KLRG1: variants seen among roughly 807,000 people sequenced by gnomAD.
KLRG1 encodes killer cell lectin like receptor G1, also known as killer cell lectin-like receptor subfamily G member 1.
A neutral mutation model predicts 21.8 loss-of-function variants in KLRG1; 16 were observed. The observed-to-expected ratio is 0.73, with a 90% CI of 0.50 to 1.11. The LOEUF is 1.11. KLRG1 is among the 50% of genes most tolerant of loss of function. The pLI, the probability that KLRG1 is intolerant of heterozygous loss-of-function variation, is 0.00. For missense variants in KLRG1, 173 were observed against 218.3 expected, an observed-to-expected ratio of 0.79 and a Z score of 1.31; for synonymous variants, 69 against 75.9, an observed-to-expected ratio of 0.91 and a Z score of 0.47.
At chr12:9,120,495 A>G in the KLRG1 span, among the ~76,000 whole-genome samples, 1 of 152,240 alleles carries the variant, frequency 6.6e-6, no homozygotes, top group African/African-American at 2.4e-5. Context: ...CCTTAACAAA[A>G]ATAAATAGAA....
chr12:9,169,622 T>G, the KLRG1 span: 1 of 1,533,490 alleles, frequency 6.5e-7, no homozygotes, highest in African/African-American at 1.4e-5. Flanking sequence ...AAGGCAGAAC[T>G]GTTACTTACT....
At chr12:9,011,518 A>C (rs1025006879), downstream of KLRG1, among the ~76,000 whole-genome samples, 9 of 151,196 alleles carry the variant, frequency 6.0e-5, no homozygotes, top group East Asian at 1.6e-3. Context: ...ATAACAGAGC[A>C]GTCACAAAAT....
the KLRG1 span, chr12:9,192,348 C>T: frequency 2.9e-6 from 4 of 1,372,544 alleles, no homozygotes; most frequent in Middle Eastern, 1.8e-4. Context: ...GTTGTCAAGT[C>T]TGTGCTGGAG....
At chr12:9,192,653 A>C in the KLRG1 span, 1 of 1,614,066 alleles carries the variant, frequency 6.2e-7, no homozygotes, top group Non-Finnish European at 8.5e-7. Flanking sequence ...TTAAGGAGAA[A>C]ACACGATTTG....
chr12:9,030,482 C>T, the KLRG1 span, among the ~76,000 whole-genome samples: 3 of 152,204 alleles, frequency 2.0e-5, no homozygotes, highest in South Asian at 6.2e-4. Flanking sequence ...TCTTGGCTCA[C>T]TGCAATCTCT....
the KLRG1 span, chr12:9,165,451 C>G: frequency 6.8e-7 from 1 of 1,465,036 alleles, no homozygotes; most frequent in Non-Finnish European, 9.4e-7. Flanking sequence ...ATAAAGCTAA[C>G]GTCAAGAACT....
At chr12:9,178,972 G>A in the KLRG1 span, among the ~76,000 whole-genome samples, 3 of 152,088 alleles carry the variant, frequency 2.0e-5, no homozygotes, top group African/African-American at 7.2e-5. Flanking sequence ...TTCATATTAC[G>A]AATTTACCAA....
chr12:9,023,617 G>GGTGATCT, the KLRG1 span, among the ~76,000 whole-genome samples: 1 of 151,480 alleles, frequency 6.6e-6, no homozygotes, highest in Admixed American at 6.6e-5. Flanking sequence ...GAGTGCAGTG[G>GGTGATCT]CACCATCATA....
At chr12:9,126,629 T>C in the KLRG1 span, among the ~76,000 whole-genome samples, 1 of 152,108 alleles carries the variant, frequency 6.6e-6, no homozygotes, top group Non-Finnish European at 1.5e-5. Context: ...CTAACAGAGG[T>C]GATGTGTATA....
chr12:9,072,760 A>G, the KLRG1 span: 2 of 1,613,984 alleles, frequency 1.2e-6, no homozygotes, highest in Non-Finnish European at 1.7e-6. Context: ...TCCACTTGGA[A>G]TTTGCTGGAA....
upstream of KLRG1, among the ~76,000 whole-genome samples, chr12:8,989,151 C>G (rs1425016133): frequency 6.6e-6 from 1 of 152,108 alleles, no homozygotes; most frequent in Non-Finnish European, 1.5e-5. Context: ...TCCCGTGATT[C>G]CAGGCATATG....
chr12:8,951,418 A>G (rs1946202337), intron 1 of KLRG1, among the ~76,000 whole-genome samples: 1 of 152,176 alleles, frequency 6.6e-6, no homozygotes. Flanking sequence ...GCAGTGAGCT[A>G]TGGTCTTGCC....
chr12:9,047,561 A>G, the KLRG1 span, among the ~76,000 whole-genome samples: 1 of 152,242 alleles, frequency 6.6e-6, no homozygotes, highest in East Asian at 1.9e-4. Flanking sequence ...AAATATATGA[A>G]TGATTAATTA....
chr12:9,006,365 A>G (rs575611797), intron 3 of KLRG1, among the ~76,000 whole-genome samples: 7 of 152,218 alleles, frequency 4.6e-5, no homozygotes, highest in African/African-American at 1.4e-4. Context: ...ACAGCCATGT[A>G]GAAATCTCGG....
chr12:9,122,937 T>TC, the KLRG1 span, among the ~76,000 whole-genome samples: 1 of 151,644 alleles, frequency 6.6e-6, no homozygotes, highest in Non-Finnish European at 1.5e-5. Flanking sequence ...TTTTTGACTT[T>TC]GGCAGTAATT....
the KLRG1 span, chr12:9,154,927 G>A: frequency 7.7e-7 from 1 of 1,296,248 alleles, no homozygotes; most frequent in South Asian, 1.4e-5. Flanking sequence ...ATAATACATG[G>A]AGCTGAAAAT....
chr12:9,133,633 T>A, the KLRG1 span, among the ~76,000 whole-genome samples: 4 of 152,294 alleles, frequency 2.6e-5, no homozygotes, highest in African/African-American at 7.2e-5. Flanking sequence ...TGGGAATTTA[T>A]CCTTGCAAAA....
the KLRG1 span, among the ~76,000 whole-genome samples, chr12:9,054,198 C>T: frequency 1.8e-4 from 28 of 152,162 alleles, no homozygotes; most frequent in South Asian, 5.2e-3. Context: ...ATTGGGGAGT[C>T]GCCTTGTTTT....
chr12:9,022,193 T>C, the KLRG1 span, among the ~76,000 whole-genome samples: 1 of 152,228 alleles, frequency 6.6e-6, no homozygotes, highest in Non-Finnish European at 1.5e-5. Flanking sequence ...TTTATTATCA[T>C]TATGAAGTAT....
Sources: gnomAD v4.1 joint callset for allele counts (sites outside exome capture counted in the v4.1 genomes callset) on GRCh38, gnomAD v4.1.1 for gene constraint, MANE v1.5 for transcripts, NCBI Gene and HGNC (gene_info 2026-07-23, HGNC 2026-07-21) for gene names.